DOP1A: variants seen among roughly 807,000 people sequenced by gnomAD.
DOP1A encodes the protein protein DOP1A.
Under a neutral mutation model 267.6 loss-of-function variants are expected in DOP1A, and 90 were observed. The ratio of observed to expected loss-of-function variants is 0.34; its 90% CI spans 0.28 to 0.40. DOP1A has a LOEUF of 0.40. DOP1A is among the 10% of genes least tolerant of loss of function. The pLI is 1.00. For missense variants in DOP1A, 2,437 were observed against 2,900.4 expected, an observed-to-expected ratio of 0.84 and a Z score of 3.67; for synonymous variants, 932 against 999.1, an observed-to-expected ratio of 0.93 and a Z score of 1.27.
rs1336642546 is a variant in DOP1A at position 83,120,759 on chromosome 6, T to C, written c.1067T>C (p.Ile356Thr). 6.3e-7 allele frequency: 1 copy of C among 1,578,678 alleles called. No homozygotes were observed. The highest frequency in any genetic ancestry group is 8.7e-7 in the Non-Finnish European group (1 of 1,155,452). Residue 356 changes from isoleucine to threonine, a missense_variant, in exon 10 of 39, where the codon ATT becomes ACT. By Grantham distance (89) the Ile-to-Thr change is moderately conservative. Around this residue, in one of 9 missense-constraint regions of DOP1A, gnomAD observed 498 missense variants for 513.5 expected, o/e 0.97. Coordinates refer to ENST00000349129, the MANE Select transcript of DOP1A (RefSeq NM_015018.4). ...ATGCAGGATCTAAAGCCTTTTCGCA[T>C]TTTAATCAGTTTACTGGACAAACCT... ...TLMQDLKPFR[I>T]LISLLDKPEL...
chr6:83,088,168 G>A (rs528760641), intron 1 of DOP1A, among the ~76,000 whole-genome samples: 6 of 151,856 alleles, frequency 4.0e-5, no homozygotes, highest in Admixed American at 6.6e-5. Context: ...CACCGCACCC[G>A]GCCAACCATT....
At chr6:83,079,359 G>A (rs1767683066) in intron 1 of DOP1A, among the ~76,000 whole-genome samples, 1 of 151,942 alleles carries the variant, frequency 6.6e-6, no homozygotes, top group Non-Finnish European at 1.5e-5. Flanking sequence ...AATAAAATGG[G>A]CAAAGAAAAA....
intron 1 of DOP1A, among the ~76,000 whole-genome samples, chr6:83,079,055 C>CT (rs986112240): frequency 9.6e-4 from 146 of 152,132 alleles, no homozygotes; most frequent in African/African-American, 3.4e-3. Context: ...AACATTAATT[C>CT]TAGTTTACTT....
intron 38 of DOP1A, chr6:83,167,206 G>T: frequency 1.1e-6 from 1 of 902,700 alleles, no homozygotes; most frequent in Non-Finnish European, 1.3e-6. Context: ...CTGCCCAAGG[G>T]TGCCGTAAGT....
intron 33 of DOP1A, 125 bp downstream of exon 33, chr6:83,154,366 A>G: frequency 1.2e-6 from 1 of 834,342 alleles, no homozygotes; most frequent in Non-Finnish European, 1.9e-6. Flanking sequence ...GTCAGTGGGG[A>G]TATGTGCTCT....
At chr6:83,102,487 A>G (rs6938494) in intron 4 of DOP1A, among the ~76,000 whole-genome samples, 1,639 of 152,308 alleles carry the variant, frequency 0.011, 39 homozygotes, top group African/African-American at 0.036. Context: ...GTAAAATGCA[A>G]TGGGCAACTT....
rs761569853 is a variant in DOP1A at position 83,148,820 on chromosome 6, A to G, written c.5794A>G (p.Ile1932Val). The G allele has an allele frequency of 1.9e-6, 3 of 1,554,832 alleles. No individual in the cohort carries two copies. Among genetic ancestry groups the G allele is most frequent in the South Asian group, 2.5e-5 (2 of 78,742 alleles). Residue 1932 changes from isoleucine (I) to valine (V), a missense_variant, in exon 27 of 39, where the codon ATA becomes GTA. This residue lies in a region of DOP1A where 216 missense variants were observed against 283.3 expected (regional missense o/e 0.76). Transcript: ENST00000349129. Reference protein sequence around the residue: ...ASLLILLKDSIQLSLPAPGQF... With the variant: ...ASLLILLKDSVQLSLPAPGQF... ...ACTGTTGATACTTCTGAAAGACTCT[A>G]TACAACTGAGTCTTCCAGCTCCAGG... is the stretch of plus-strand genomic sequence containing the variant.
chr6:83,164,749 T>G (rs1562392601), intron 38 of DOP1A: 1 of 1,561,614 alleles, frequency 6.4e-7, no homozygotes, highest in Non-Finnish European at 8.7e-7. Flanking sequence ...GCTTATGATA[T>G]GGCAGCAAAA....
intron 3 of DOP1A, among the ~76,000 whole-genome samples, chr6:83,098,814 A>T (rs79421954): frequency 1.3e-5 from 2 of 152,170 alleles, no homozygotes; most frequent in East Asian, 3.9e-4. Context: ...GCTGTGTAGA[A>T]ATGTGATAGG....
At chr6:83,125,291 A>G in intron 14 of DOP1A, 96 bp downstream of exon 14, 1 of 1,266,542 alleles carries the variant, frequency 7.9e-7, no homozygotes, top group Admixed American at 2.5e-5. Context: ...GGGTTATTTT[A>G]TAATATATGC....
intron 4 of DOP1A, 143 bp downstream of exon 4, chr6:83,101,029 T>C (rs1331656900): frequency 2.0e-6 from 1 of 502,866 alleles, no homozygotes; most frequent in Non-Finnish European, 3.0e-6. Flanking sequence ...TGTTTTGTTT[T>C]GTTTGAGACG....
intron 20 of DOP1A, among the ~76,000 whole-genome samples, chr6:83,136,886 C>T (rs142825583): frequency 8.2e-4 from 125 of 152,004 alleles, no homozygotes; most frequent in African/African-American, 2.5e-3. Context: ...AAAAGAAGAC[C>T]GTCATTATTG....
intron 27 of DOP1A, 124 bp from the exon 28 acceptor site, chr6:83,151,469 A>T: frequency 1.6e-6 from 1 of 616,162 alleles, no homozygotes; most frequent in Non-Finnish European, 2.7e-6. Flanking sequence ...ATATGTATAT[A>T]TATTAAATAT....
chr6:83,154,391 A>C, intron 33 of DOP1A, 150 bp downstream of exon 33: 1 of 651,872 alleles, frequency 1.5e-6, no homozygotes, highest in Non-Finnish European at 2.6e-6. Context: ...AAAGCACACT[A>C]CTTTCTGTAC....
chr6:83,068,668 A>G (rs141762243), intron 1 of DOP1A, among the ~76,000 whole-genome samples: 3 of 152,226 alleles, frequency 2.0e-5, no homozygotes, highest in Non-Finnish European at 4.4e-5. Flanking sequence ...GCCATTGTCT[A>G]TGCAGACATA....
At chr6:83,170,143 A>G (rs912375015), downstream of DOP1A, 11 of 639,672 alleles carry the variant, frequency 1.7e-5, no homozygotes, top group African/African-American at 1.1e-4. Flanking sequence ...AAATTGTATA[A>G]TTACTGCTGG....
chr6:83,133,785 A>G (rs1778445236), intron 18 of DOP1A, among the ~76,000 whole-genome samples: 1 of 152,108 alleles, frequency 6.6e-6, no homozygotes. Flanking sequence ...TTTCTGGGAC[A>G]AAAAATATAT....
chr6:83,110,797 T>G (rs1774419879), intron 6 of DOP1A, among the ~76,000 whole-genome samples: 1 of 152,176 alleles, frequency 6.6e-6, no homozygotes. Flanking sequence ...TTGATCATAC[T>G]TTACTTTTTC....
chr6:83,139,726 C>T (rs1779328023), intron 21 of DOP1A, among the ~76,000 whole-genome samples: 1 of 152,034 alleles, frequency 6.6e-6, no homozygotes, highest in African/African-American at 2.4e-5. Context: ...ATTAATATGC[C>T]TGCCATTCCT....
Sources: gnomAD v4.1 joint callset for allele counts (sites outside exome capture counted in the v4.1 genomes callset) on GRCh38, gnomAD v4.1.1 for gene constraint, gnomAD v4.1.1 regional missense constraint, MANE v1.5 for transcripts, NCBI Gene and HGNC (gene_info 2026-07-23, HGNC 2026-07-21) for gene names.